Variants in MTF2 observed in about 807,000 individuals in gnomAD.
The protein encoded by MTF2 is metal response element binding transcription factor 2, also known as metal-response element-binding transcription factor 2.
A neutral mutation model predicts 79.5 loss-of-function variants in MTF2; 11 were observed. The ratio of observed to expected loss-of-function variants is 0.14; its 90% CI spans 0.09 to 0.23. MTF2 has a LOEUF of 0.23. Among genes scored for constraint, MTF2 ranks in the 10% least tolerant of loss-of-function variants. The pLI, the probability that MTF2 is intolerant of heterozygous loss-of-function variation, is 1.00. For missense variants in MTF2, 486 were observed against 711.2 expected (o/e 0.68, Z 3.60); for synonymous variants, 208 against 232.8 (o/e 0.89, Z 0.97).
chr1:93,103,938 C>T lies in MTF2; in HGVS notation c.6-6292C>T, dbSNP rs539358420. ...TTTAAAAGAAGATACTGCTTTTACA[C>T]GTTATTTATGTATGTATTTTTTGGT... On this transcript the variant is annotated intron_variant, in intron 1 of 14. Transcript: ENST00000370298. 8.5e-5 allele frequency among the ~76,000 whole-genome samples: 13 copies of T among 152,110 alleles called. No individual in the cohort carries two copies. The South Asian group carries it at 1.7e-3, about 19-fold the overall frequency.
Position 93,091,108 on chromosome 1 carries a change from C to T in MTF2, c.5+11577C>T, listed in dbSNP as rs150352674. Among the ~76,000 whole-genome samples the T allele has an allele frequency of 7.8e-3, 1,183 of 152,310 alleles. 21 individuals carry two copies. Among genetic ancestry groups the T allele is most frequent in the African/African-American group, 0.027 (1,129 of 41,558 alleles). ...AAGCTAAACTCAGCCTGTTAGTCCT[C>T]ACTTCTAAACCCCATGCAGTCTGGC... On this transcript the variant is annotated intron_variant, in intron 1 of 14. Transcript: ENST00000370298.
At chr1:93,135,879 A>G (rs1467554657) in intron 14 of MTF2, among the ~76,000 whole-genome samples, 1 of 152,220 alleles carries the variant, frequency 6.6e-6, no homozygotes, top group Non-Finnish European at 1.5e-5. Context: ...AGATGAGGAA[A>G]GTGAGACTTA....
intron 1 of MTF2, among the ~76,000 whole-genome samples, chr1:93,109,674 G>C (rs1169168202): frequency 3.9e-5 from 6 of 152,030 alleles, no homozygotes; most frequent in African/African-American, 1.2e-4. Flanking sequence ...TGAAATTGCT[G>C]GTTCTCAATG....
At chr1:93,130,576 CAAAA>C (rs113108662) in intron 11 of MTF2, among the ~76,000 whole-genome samples, 1 of 141,046 alleles carries the variant, frequency 7.1e-6, no homozygotes, top group African/African-American at 2.6e-5. Context: ...GACTCTGTCT[CAAAA>C]AAAAAAAATA....
chr1:93,117,894 G>A (rs780479095), intron 6 of MTF2, among the ~76,000 whole-genome samples: 39 of 152,136 alleles, frequency 2.6e-4, no homozygotes, highest in Non-Finnish European at 4.6e-4. Flanking sequence ...GCTTGGTGGT[G>A]CATGCCTGTG....
chr1:93,090,421 A>G (rs1055276707), intron 1 of MTF2, among the ~76,000 whole-genome samples: 2 of 142,264 alleles, frequency 1.4e-5, no homozygotes, highest in Non-Finnish European at 3.1e-5. Flanking sequence ...CAATTTTTGT[A>G]TTTTTAGTAG....
chr1:93,082,411 G>C (rs1439061881), intron 1 of MTF2, among the ~76,000 whole-genome samples: 2 of 151,904 alleles, frequency 1.3e-5, no homozygotes, highest in Non-Finnish European at 2.9e-5. Flanking sequence ...CTGCCGAGTA[G>C]TTAGGACTAC....
At chr1:93,098,384 C>T (rs536257334) in intron 1 of MTF2, among the ~76,000 whole-genome samples, 1 of 152,228 alleles carries the variant, frequency 6.6e-6, no homozygotes, top group Admixed American at 6.5e-5. Context: ...GGTGTGCACA[C>T]GTGTTTCTCT....
chr1:93,129,102 C>CT (rs1656819808), intron 10 of MTF2, 176 bp from the exon 11 acceptor site: 2 of 416,702 alleles, frequency 4.8e-6, no homozygotes, highest in Non-Finnish European at 8.6e-6. Flanking sequence ...CCATCATATC[C>CT]TACTGTAGAC....
chr1:93,090,053 T>C (rs1459543493), intron 1 of MTF2, among the ~76,000 whole-genome samples: 1 of 152,160 alleles, frequency 6.6e-6, no homozygotes, highest in Admixed American at 6.5e-5. Flanking sequence ...CTCGGCTCAC[T>C]GCAAGCTCCG....
intron 11 of MTF2, among the ~76,000 whole-genome samples, chr1:93,132,654 C>T (rs867285738): frequency 4.6e-5 from 7 of 152,098 alleles, no homozygotes; most frequent in African/African-American, 1.7e-4. Context: ...CTTCTAGTTC[C>T]CCTACTTTCT....
rs759615125 is a variant in MTF2 at position 93,138,065 on chromosome 1, T to A, written c.*1038T>A. The stretch of plus-strand genomic sequence containing the variant: ...AAATGTCTGTAGTAACTGTTAGTCA[T>A]GTTTGAATAAGTGTAGTATGAACAA... On this transcript the variant is annotated 3_prime_UTR_variant, in exon 15 of 15. Coordinates refer to ENST00000370298, the MANE Select transcript of MTF2 (RefSeq NM_007358.4). 6.6e-6 allele frequency: 1 copy of A among 152,232 alleles called. No homozygotes were observed. The highest frequency in any genetic ancestry group is 1.5e-5 in the Non-Finnish European group (1 of 68,030). 9.4% of individuals were successfully genotyped at this position (152,232 alleles called of 1,614,324 possible).
chr1:93,109,517 T>C (rs985203166), intron 1 of MTF2, among the ~76,000 whole-genome samples: 11 of 152,128 alleles, frequency 7.2e-5, no homozygotes, highest in African/African-American at 2.7e-4. Context: ...TATTTTTTAG[T>C]AGACACAGGG....
chr1:93,114,175 G>A (rs1468199853), intron 3 of MTF2, among the ~76,000 whole-genome samples: 1 of 152,184 alleles, frequency 6.6e-6, no homozygotes, highest in Non-Finnish European at 1.5e-5. Flanking sequence ...AATAATTGGT[G>A]TTCAACCTGT....
At chr1:93,101,366 CTTTTTTTTTTTT>C (rs71586777) in intron 1 of MTF2, among the ~76,000 whole-genome samples, 9 of 108,608 alleles carry the variant, frequency 8.3e-5, no homozygotes, top group African/African-American at 1.8e-4. Flanking sequence ...CTATCTTAAC[CTTTTTTTTTTTT>C]TTTTTTTTTT....
At chr1:93,082,225 A>G (rs544704089) in intron 1 of MTF2, among the ~76,000 whole-genome samples, 11 of 152,288 alleles carry the variant, frequency 7.2e-5, no homozygotes, top group African/African-American at 2.6e-4. Flanking sequence ...TATTTCAAAC[A>G]TAATACAAAG....
intron 1 of MTF2, among the ~76,000 whole-genome samples, chr1:93,106,772 C>T (rs922072483): frequency 2.6e-5 from 4 of 152,196 alleles, no homozygotes; most frequent in Non-Finnish European, 4.4e-5. Flanking sequence ...CTGCCCACCT[C>T]GGCCTCCCAA....
At chr1:93,118,308 G>A in intron 6 of MTF2, 37 bp from the exon 7 acceptor site, 1 of 1,366,580 alleles carries the variant, frequency 7.3e-7, no homozygotes, top group Non-Finnish European at 1.0e-6. Context: ...CCTTAAGACA[G>A]GAATTTTAGT....
intron 1 of MTF2, among the ~76,000 whole-genome samples, chr1:93,102,718 G>A (rs1234899027): frequency 1.3e-5 from 2 of 152,188 alleles, no homozygotes; most frequent in Non-Finnish European, 2.9e-5. Context: ...GTTGGTGAAG[G>A]TGTGGTGAGA....
Sources: allele counts gnomAD v4.1 joint callset (sites outside exome capture counted in the v4.1 genomes callset), GRCh38; gene constraint gnomAD v4.1.1; transcripts MANE v1.5; gene names NCBI Gene and HGNC (gene_info 2026-07-23, HGNC 2026-07-21).